Variants in RPAP1 observed in about 807,000 individuals in gnomAD.
RPAP1 encodes RNA polymerase II-associated protein 1.
Under a neutral mutation model 142.4 loss-of-function variants are expected in RPAP1, and 109 were observed. The ratio of observed to expected loss-of-function variants is 0.77; its 90% CI spans 0.66 to 0.90. The LOEUF is 0.90. RPAP1 is among the 40% of genes least tolerant of loss of function. The pLI is 0.00. For missense variants in RPAP1, 1,546 were observed against 1,751.7 expected (o/e 0.88, Z 2.10); for synonymous variants, 704 against 738.9 (o/e 0.95, Z 0.77).
In RPAP1 at chr15:41,525,022, CA is replaced by C; in HGVS notation, c.2043del (p.Ala682ProfsTer17). The stretch of plus-strand genomic sequence containing the variant: ...AGGTAACCGCCCTGGCCATAGGAGG[CA>C]GCCACAGCCCACAGACGGAGGGCCT... ...STEALRLWAV[A>X]ASYGQGGYLY... On this transcript the variant is annotated frameshift_variant, in exon 15 of 25. Transcript: ENST00000304330. LOFTEE classifies it high-confidence loss of function. 1 of 1,613,942 alleles carries C rather than the reference CA, an allele frequency of 6.2e-7. No homozygotes were observed. Among genetic ancestry groups the C allele is most frequent in the Non-Finnish European group, 8.5e-7 (1 of 1,179,942 alleles).
intron 1 of RPAP1, among the ~76,000 whole-genome samples, chr15:41,540,737 G>A (rs1240201003): frequency 1.3e-5 from 2 of 152,170 alleles, no homozygotes; most frequent in Admixed American, 6.6e-5. Context: ...TACCCACTAT[G>A]TTCTACTGCC....
At chr15:41,534,667 T>A in intron 6 of RPAP1, 47 bp downstream of exon 6, 1 of 1,410,396 alleles carries the variant, frequency 7.1e-7, no homozygotes, top group Non-Finnish European at 9.9e-7. Flanking sequence ...CAATAAGTGG[T>A]ATTCCTCTCC....
At position 41,525,163 on chromosome 15, in the gene RPAP1, A is replaced by G. The variant is rs2051778337; in HGVS notation, c.1918-15T>C. ...AAGCTGCTCAACTGGAAATGGGCAC[A>G]GTCTGAGGATCAGGGTCAGCTGTGA... On this transcript the variant is annotated splice_polypyrimidine_tract_variant and intron_variant, in intron 14 of 24. Coordinates refer to ENST00000304330, the MANE Select transcript of RPAP1 (RefSeq NM_015540.4). 3 of 1,596,496 alleles carry G rather than the reference A, an allele frequency of 1.9e-6. No individual in the cohort carries two copies. The highest frequency in any genetic ancestry group is 2.6e-6 in the Non-Finnish European group (3 of 1,171,430).
intron 4 of RPAP1, 81 bp from the exon 5 acceptor site, chr15:41,535,713 G>A: frequency 6.5e-7 from 1 of 1,532,688 alleles, no homozygotes; most frequent in Non-Finnish European, 8.8e-7. Flanking sequence ...AAGGCCTCTG[G>A]AACAAAGAGA....
chr15:41,530,945 C>G, intron 7 of RPAP1, 78 bp downstream of exon 7: 1 of 1,391,744 alleles, frequency 7.2e-7, no homozygotes, highest in Non-Finnish European at 9.9e-7. Flanking sequence ...TCTCTCTTCT[C>G]TCATTTGCCA....
chr15:41,521,737 C>A lies in RPAP1; in HGVS notation c.3038+1G>T. On this transcript the variant is annotated splice_donor_variant, in intron 21 of 24. Transcript: ENST00000304330. LOFTEE classifies it high-confidence loss of function. ...GTTGATGCCACCAACCAAGCACTTA[C>A]GGGAGGAACTCCAGCCGGAATACAC... 1.2e-6 allele frequency: 2 copies of A among 1,613,938 alleles called. No homozygotes were observed. The highest frequency in any genetic ancestry group is 1.7e-6 in the Non-Finnish European group (2 of 1,179,924).
chr15:41,527,451 G>A lies in RPAP1; in HGVS notation c.1583C>T (p.Pro528Leu), dbSNP rs755969796. 1.2e-6 allele frequency: 2 copies of A among 1,614,242 alleles called. No individual in the cohort carries two copies. The highest frequency in any genetic ancestry group is 8.5e-7 in the Non-Finnish European group (1 of 1,180,050). ...KSPEEESRPP[P>L]DLARHDVIKG... The stretch of plus-strand genomic sequence containing the variant: ...GATGACATCATGTCGGGCCAGGTCA[G>A]GTGGAGGCCGGCTTTCTTCTTCAGG... Residue 528 changes from proline (P) to leucine (L), a missense_variant, in exon 12 of 25, where the codon CCT becomes CTT. Pro to Leu is a moderately conservative substitution (Grantham distance 98). Transcript: ENST00000304330.
At chr15:41,533,832 C>T (rs1178241791) in intron 6 of RPAP1, among the ~76,000 whole-genome samples, 2 of 134,888 alleles carry the variant, frequency 1.5e-5, no homozygotes, top group Non-Finnish European at 3.3e-5. Context: ...GAGGAAAAAT[C>T]CGTCTTAAAA....
Position 41,528,292 on chromosome 15 carries a change from G to T in RPAP1, c.1203C>A (p.Ser401Arg). 6.2e-7 allele frequency: 1 copy of T among 1,607,176 alleles called. No homozygotes were observed. The highest frequency in any genetic ancestry group is 8.5e-7 in the Non-Finnish European group (1 of 1,176,688). ...CCAGTGCTCTCTGCTGGGAAACCTG[G>T]CTGCGGGTCAGGTGGAACAGCTCCT... ...SLQELFHLTR[S>R]QVSQQRALAL... Residue 401 changes from serine (S) to arginine (R), a missense_variant, in exon 10 of 25, where the codon AGC (serine) becomes AGA (arginine). This residue lies in a region of RPAP1 where 1,333 missense variants were observed against 1,486.6 expected (regional missense o/e 0.90). Transcript: ENST00000304330.
chr15:41,523,809 A>G lies in RPAP1; in HGVS notation c.2398T>C (p.Leu800=). Residue 800 remains leucine, a synonymous_variant, in exon 17 of 25, where the codon TTG becomes CTG. Coordinates refer to ENST00000304330, the MANE Select transcript of RPAP1 (RefSeq NM_015540.4). The part of the protein sequence containing the change: ...AVGPVPVACL[L]FLGAYYQAWS... ...GCCTGGTAGTAGGCTCCCAGGAACA[A>G]CAGGCAGGCAACGGGCACTGGGCCC... is the stretch of plus-strand genomic sequence containing the variant. 1 of 1,608,770 alleles carries G rather than the reference A, an allele frequency of 6.2e-7. No homozygotes were observed. Among genetic ancestry groups the G allele is most frequent in the Non-Finnish European group, 8.5e-7 (1 of 1,177,764 alleles).
At chr15:41,540,923 G>A (rs1466453302) in intron 1 of RPAP1, among the ~76,000 whole-genome samples, 1 of 152,178 alleles carries the variant, frequency 6.6e-6, no homozygotes, top group Admixed American at 6.5e-5. Context: ...CCTGCGCACT[G>A]TAGGATGTTT....
chr15:41,535,084 G>A, intron 5 of RPAP1, 149 bp from the exon 6 acceptor site: 1 of 704,476 alleles, frequency 1.4e-6, no homozygotes, highest in South Asian at 1.9e-5. Flanking sequence ...TCTGGCACAG[G>A]GACTCCAGGT....
At chr15:41,534,505 G>C (rs1246122024) in intron 6 of RPAP1, among the ~76,000 whole-genome samples, 2 of 146,830 alleles carry the variant, frequency 1.4e-5, no homozygotes, top group African/African-American at 5.0e-5. Context: ...AGGATTGCTT[G>C]AGCCGTGAAG....
intron 9 of RPAP1, 56 bp from the exon 10 acceptor site, chr15:41,528,392 A>C: frequency 8.4e-7 from 1 of 1,188,836 alleles, no homozygotes. Context: ...TGCCCCCAAA[A>C]CACCAAGCAA....
intron 1 of RPAP1, among the ~76,000 whole-genome samples, chr15:41,539,279 G>GTTTTTTT (rs758427701): frequency 4.2e-5 from 6 of 142,156 alleles, no homozygotes; most frequent in Admixed American, 7.0e-5. Context: ...GCTAATTTTT[G>GTTTTTTT]TTTTTTTTTT....
chr15:41,527,124 C>T (rs2297380), intron 13 of RPAP1, 43 bp downstream of exon 13: 663,389 of 1,612,838 alleles, frequency 0.41, 139,716 homozygotes, highest in Middle Eastern at 0.49. Context: ...AAGACAAGGC[C>T]CAGCTAGGCT....
intron 21 of RPAP1, 68 bp from the exon 22 acceptor site, chr15:41,521,215 T>C (rs1157135212): frequency 8.2e-6 from 12 of 1,468,008 alleles, no homozygotes; most frequent in South Asian, 2.8e-5. Context: ...TGCCAGCTCT[T>C]TGGAACTTCC....
At chr15:41,530,802 G>A (rs2051839058) in intron 7 of RPAP1, among the ~76,000 whole-genome samples, 1 of 152,190 alleles carries the variant, frequency 6.6e-6, no homozygotes, top group African/African-American at 2.4e-5. Flanking sequence ...TCTTAAAAGG[G>A]AAGGCGGAGA....
intron 1 of RPAP1, among the ~76,000 whole-genome samples, chr15:41,540,739 TC>T (rs1219675073): frequency 6.6e-6 from 1 of 152,198 alleles, no homozygotes; most frequent in African/African-American, 2.4e-5. Flanking sequence ...CCCACTATGT[TC>T]TACTGCCTAC....
Sources: gnomAD v4.1 joint callset for allele counts (sites outside exome capture counted in the v4.1 genomes callset) on GRCh38, gnomAD v4.1.1 for gene constraint, gnomAD v4.1.1 regional missense constraint, MANE v1.5 for transcripts, NCBI Gene and HGNC (gene_info 2026-07-23, HGNC 2026-07-21) for gene names.